The following CFAP77 variants were observed in gnomAD, a reference collection of about 807,000 sequenced individuals.
CFAP77 encodes the protein cilia and flagella associated protein 77.
A neutral mutation model predicts 31.1 loss-of-function variants in CFAP77; 25 were observed. The ratio of observed to expected loss-of-function variants is 0.80; its 90% CI spans 0.59 to 1.12. The LOEUF is 1.12. Among genes scored for constraint, CFAP77 ranks in the 50% most tolerant of loss-of-function variants. The pLI, the probability that CFAP77 is intolerant of heterozygous loss-of-function variation, is 0.00. For synonymous variants in CFAP77, 151 were observed against 159.9 expected, an observed-to-expected ratio of 0.94 and a Z score of 0.42; for missense variants, 377 against 397.3, an observed-to-expected ratio of 0.95 and a Z score of 0.44.
intron 3 of CFAP77, among the ~76,000 whole-genome samples, chr9:132,505,349 TC>T (rs1851915085): frequency 3.3e-5 from 5 of 152,198 alleles, no homozygotes; most frequent in Admixed American, 3.3e-4. Flanking sequence ...ATTACTTCCT[TC>T]CCAGTTATCC....
At chr9:132,519,615 GAT>G (rs1231451486) in intron 3 of CFAP77, among the ~76,000 whole-genome samples, 50 of 141,842 alleles carry the variant, frequency 3.5e-4, no homozygotes, top group African/African-American at 9.3e-4. Context: ...TGGATGGATG[GAT>G]GGTTGGGTGG....
intron 5 of CFAP77, among the ~76,000 whole-genome samples, chr9:132,569,728 CTTTTTTTTTTTTTTTTT>C (rs558402201): frequency 1.5e-3 from 151 of 98,510 alleles, no homozygotes; most frequent in African/African-American, 6.4e-3. Flanking sequence ...TCTAGCTGCC[CTTTTTTTTTTTTTTTTT>C]TTTTTTTTGA....
At chr9:132,464,758 AGC>A (rs1851121136) in intron 1 of CFAP77, among the ~76,000 whole-genome samples, 1 of 152,128 alleles carries the variant, frequency 6.6e-6, no homozygotes, top group Non-Finnish European at 1.5e-5. Context: ...TGTATCCAAG[AGC>A]ATCACTCAGG....
At chr9:132,543,988 C>T (rs1852690506) in intron 5 of CFAP77, among the ~76,000 whole-genome samples, 1 of 152,190 alleles carries the variant, frequency 6.6e-6, no homozygotes, top group African/African-American at 2.4e-5. Context: ...TTCTAGGAGG[C>T]CACAAGGCAG....
At chr9:132,449,292 GGCTGCA>G (rs1564207837) in intron 1 of CFAP77, among the ~76,000 whole-genome samples, 21 of 77,118 alleles carry the variant, frequency 2.7e-4, no homozygotes, top group African/African-American at 1.1e-3. Context: ...TCCTACTCCT[GGCTGCA>G]CTCACCCTCC....
Position 132,497,872 on chromosome 9 carries a change from G to A in CFAP77, c.196-823G>A, listed in dbSNP as rs1015199168. Reference sequence around the variant, plus strand: ...TGTGCAGGACAGGGTCTCTGACCTCGAGGAGCTGCTGTGATAAAGGGAGAC... The same window carrying A: ...TGTGCAGGACAGGGTCTCTGACCTCAAGGAGCTGCTGTGATAAAGGGAGAC... On this transcript the variant is annotated intron_variant, in intron 1 of 5. Coordinates refer to ENST00000393216, the MANE Select transcript of CFAP77 (RefSeq NM_001282957.2). The surrounding 1 kb of genome is among the most constrained non-coding windows in gnomAD (Gnocchi z 4.9). Among the ~76,000 whole-genome samples the A allele has an allele frequency of 4.6e-5, 7 of 152,276 alleles. No individual in the cohort carries two copies. In the East Asian group the frequency reaches 5.8e-4, roughly 13 times the overall value.
intron 1 of CFAP77, among the ~76,000 whole-genome samples, chr9:132,474,050 C>T (rs1851306910): frequency 6.6e-6 from 1 of 152,184 alleles, no homozygotes. Flanking sequence ...GAACCCGAGT[C>T]TATTTGCCGG....
chr9:132,433,253 T>TTGCTC (rs1850443847), intron 1 of CFAP77, among the ~76,000 whole-genome samples: 1 of 152,362 alleles, frequency 6.6e-6, no homozygotes, highest in Non-Finnish European at 1.5e-5. Context: ...AGTGCAGAGC[T>TTGCTC]TGCTCAATGG....
At chr9:132,420,214 TA>T (rs1589839328) in intron 1 of CFAP77, among the ~76,000 whole-genome samples, 1 of 149,878 alleles carries the variant, frequency 6.7e-6, no homozygotes, top group East Asian at 2.0e-4. Flanking sequence ...ATGCCACGTT[TA>T]AGCGTTGAGG....
chr9:132,433,817 T>G (rs937612069), intron 1 of CFAP77, among the ~76,000 whole-genome samples: 262 of 151,956 alleles, frequency 1.7e-3, no homozygotes, highest in African/African-American at 5.6e-3. Flanking sequence ...CAAAGTGCTG[T>G]GATTACAGGT....
chr9:132,436,537 C>G (rs1347031249), intron 1 of CFAP77, among the ~76,000 whole-genome samples: 2 of 152,200 alleles, frequency 1.3e-5, no homozygotes, highest in African/African-American at 4.8e-5. Context: ...GTTACACAAG[C>G]ATTTTTCACT....
intron 4 of CFAP77, among the ~76,000 whole-genome samples, chr9:132,542,263 G>A (rs1852657303): frequency 1.3e-5 from 2 of 152,194 alleles, no homozygotes; most frequent in South Asian, 2.1e-4. Context: ...AGCCGCCTAC[G>A]CCCCATCCCC....
At chr9:132,456,397 T>C (rs762286386) in intron 1 of CFAP77, among the ~76,000 whole-genome samples, 2 of 152,184 alleles carry the variant, frequency 1.3e-5, no homozygotes, top group Non-Finnish European at 2.9e-5. Flanking sequence ...GACTCATTCA[T>C]CTTCATATTC....
At chr9:132,519,653 T>C (rs1852227445) in intron 3 of CFAP77, among the ~76,000 whole-genome samples, 2 of 104,966 alleles carry the variant, frequency 1.9e-5, no homozygotes, top group African/African-American at 6.9e-5. Flanking sequence ...GATGGATGGA[T>C]GGATGGATGG....
chr9:132,473,641 G>A (rs901078021), intron 1 of CFAP77, among the ~76,000 whole-genome samples: 2 of 152,168 alleles, frequency 1.3e-5, no homozygotes, highest in African/African-American at 4.8e-5. Flanking sequence ...CAGTGCAGGC[G>A]AAGGGCAGCT....
Position 132,498,765 on chromosome 9 carries a change from T to A in CFAP77, c.266T>A (p.Ile89Asn), listed in dbSNP as rs753508261. The stretch of plus-strand genomic sequence containing the variant: ...ATTAATTTTAATTATGGACTCTACA[T>A]CCGAGGGCTTGACGGAGGAGTCCCT... The part of the protein sequence containing the change: ...PGINFNYGLY[I>N]RGLDGGVPEA... The change falls in exon 2 of 6, where the codon ATC becomes AAC. Residue 89 changes from isoleucine to asparagine, a missense_variant. By Grantham distance (149) the Ile-to-Asn change is moderately radical. Coordinates refer to ENST00000393216, the MANE Select transcript of CFAP77 (RefSeq NM_001282957.2). This position sits in a 1 kb window ranked among gnomAD's most constrained non-coding sequence, Gnocchi z 4.2. The A allele has an allele frequency of 6.2e-7, 1 of 1,611,152 alleles. No homozygotes were observed.
At chr9:132,530,276 C>CTT (rs770618011) in intron 3 of CFAP77, among the ~76,000 whole-genome samples, 8 of 138,612 alleles carry the variant, frequency 5.8e-5, no homozygotes, top group Admixed American at 1.5e-4. Flanking sequence ...TGCCAATTTT[C>CTT]TTTTTTTTTT....
intron 4 of CFAP77, among the ~76,000 whole-genome samples, chr9:132,542,730 AC>A (rs891977480): frequency 1.5e-5 from 2 of 133,896 alleles, no homozygotes; most frequent in Non-Finnish European, 3.2e-5. Context: ...CTGGGGTCCC[AC>A]CCCCCCTCCC....
rs528002254 is a variant in CFAP77, at chr9:132,501,547, C to A, written c.524+1947C>A. ...CCTCCCGAGTAGCTGGGACTACAGG[C>A]GTGCACCAACACGCCTGGCCAATTT... On this transcript the variant is annotated intron_variant, in intron 3 of 5. Transcript: ENST00000393216. This position sits in a 1 kb window ranked among gnomAD's most constrained non-coding sequence, Gnocchi z 4.6. 2.0e-5 allele frequency among the ~76,000 whole-genome samples: 3 copies of A among 152,084 alleles called. No individual in the cohort carries two copies. The highest frequency in any genetic ancestry group is 7.2e-5 in the African/African-American group (3 of 41,408).
Sources: allele counts gnomAD v4.1 joint callset (sites outside exome capture counted in the v4.1 genomes callset), GRCh38; gene constraint gnomAD v4.1.1; non-coding constraint Gnocchi (gnomAD v3.1); transcripts MANE v1.5; gene names NCBI Gene and HGNC (gene_info 2026-07-23, HGNC 2026-07-21).